Variants in SCRT2 observed in about 807,000 individuals in gnomAD.
SCRT2 encodes the protein transcriptional repressor scratch 2.
In SCRT2, 2 loss-of-function variants were observed where a neutral mutation model predicts 3.7. That is an observed-to-expected ratio of 0.54 (90% CI 0.22 to 1.70). The LOEUF (loss-of-function observed/expected upper bound fraction) is 1.70, where lower values mean the gene tolerates loss of function less well. Among genes scored for constraint, SCRT2 ranks in the 40% most tolerant of loss-of-function variants. The pLI is 0.19. For synonymous variants in SCRT2, 256 were observed against 220.6 expected, an observed-to-expected ratio of 1.16 and a Z score of -1.42; for missense variants, 456 against 468.5, an observed-to-expected ratio of 0.97 and a Z score of 0.25.
At position 666,511 on chromosome 20, in the gene SCRT2, C is replaced by G. The variant is rs771187891; in HGVS notation, c.134-2050G>C. Among the ~76,000 whole-genome samples the G allele has an allele frequency of 2.0e-5, 3 of 152,222 alleles. No homozygotes were observed. Among genetic ancestry groups the G allele is most frequent in the Non-Finnish European group, 4.4e-5 (3 of 68,034 alleles). On this transcript the variant is annotated intron_variant, in intron 1 of 1. Transcript: ENST00000246104. The surrounding 1 kb of genome is among the most constrained non-coding windows in gnomAD (Gnocchi z 4.4). ...TAAGTGCTTCGCTCCCATCATCTCA[C>G]TGAATCATCACAAAACTACTCTCAT...
In SCRT2 at chr20:663,829, G is replaced by A; in HGVS notation, c.766C>T (p.Arg256Cys). The A allele has an allele frequency of 6.3e-7, 1 of 1,597,588 alleles. No individual in the cohort carries two copies. Among genetic ancestry groups the A allele is most frequent in the Non-Finnish European group, 8.5e-7 (1 of 1,174,252 alleles). Residue 256 changes from arginine (R) to cysteine (C), a missense_variant, in exon 2 of 2, where the codon CGC becomes TGC. Arg to Cys is a radical substitution (Grantham distance 180, BLOSUM62 -3). Coordinates refer to ENST00000246104, the MANE Select transcript of SCRT2 (RefSeq NM_033129.4). This position sits in a 1 kb window ranked among gnomAD's most constrained non-coding sequence, Gnocchi z 6.9. ...GCCGAGTGCGTCTGCATGTGCGCGC[G>A]CAGGTTGGAGCGGTCGGCGAAGGCC... is the stretch of plus-strand genomic sequence containing the variant. ...GKAFADRSNL[R>C]AHMQTHSAFK... is the part of the protein sequence containing the mutation.
rs1984121614 is a variant in SCRT2, at chr20:665,290, G to A, written c.134-829C>T. The stretch of plus-strand genomic sequence containing the variant: ...GCCTGGCTCAAAGTAGGTGTGCGAT[G>A]AATAGATGTTGCATGAAGGAATCAC... On this transcript the variant is annotated intron_variant, in intron 1 of 1. Transcript: ENST00000246104. This position sits in a 1 kb window ranked among gnomAD's most constrained non-coding sequence, Gnocchi z 5.0. Among the ~76,000 whole-genome samples the A allele has an allele frequency of 1.3e-5, 2 of 152,240 alleles. No homozygotes were observed. Among genetic ancestry groups the A allele is most frequent in the Admixed American group, 1.3e-4 (2 of 15,286 alleles).
chr20:667,930 T>C lies in SCRT2; in HGVS notation c.134-3469A>G, dbSNP rs978298675. 1.3e-5 allele frequency among the ~76,000 whole-genome samples: 2 copies of C among 152,206 alleles called. No individual in the cohort carries two copies. The highest frequency in any genetic ancestry group is 6.5e-5 in the Admixed American group (1 of 15,288). The stretch of plus-strand genomic sequence containing the variant: ...TGGTCTAAAGACCCTTTCTGCATCA[T>C]GGCTGAATCAGTCCCTCCATGATGC... On this transcript the variant is annotated intron_variant, in intron 1 of 1. Coordinates refer to ENST00000246104, the MANE Select transcript of SCRT2 (RefSeq NM_033129.4). The surrounding 1 kb of genome is among the most constrained non-coding windows in gnomAD (Gnocchi z 4.4).
At position 662,053 on chromosome 20, in the gene SCRT2, A is replaced by G. The variant is rs1380077518; in HGVS notation, c.*1618T>C. 2 of 152,930 alleles carry G rather than the reference A, an allele frequency of 1.3e-5. No homozygotes were observed. The highest frequency in any genetic ancestry group is 1.9e-4 in the East Asian group (1 of 5,172). 9.5% of individuals were successfully genotyped at this position (152,930 alleles called of 1,614,324 possible). On this transcript the variant is annotated 3_prime_UTR_variant, in exon 2 of 2. Transcript: ENST00000246104. ...GCGTGTGCTTAAAGCGGAGGGGGCC[A>G]GGGCCCGTGCGCGTGGAGGTGTGTG...
chr20:664,340 T>C lies in SCRT2; in HGVS notation c.255A>G (p.Glu85=), dbSNP rs778251168. The C allele has an allele frequency of 4.7e-5, 71 of 1,495,278 alleles. No individual in the cohort carries two copies. The highest frequency in any genetic ancestry group is 6.2e-5 in the Non-Finnish European group (69 of 1,113,242). 92.6% of individuals were successfully genotyped at this position (1,495,278 alleles called of 1,614,324 possible). A position where few individuals can be genotyped will look rare whatever the true frequency, so the allele number is the denominator to read the frequency against. Residue 85 remains glutamate (E), a synonymous_variant, in exon 2 of 2, where the codon GAA becomes GAG. Transcript: ENST00000246104. The surrounding 1 kb of genome is among the most constrained non-coding windows in gnomAD (Gnocchi z 7.9). The part of the protein sequence containing the change: ...PAAPEEYSDP[E]SPQSSLSARY... ...GCGCCGACAGGCTCGACTGCGGGCT[T>C]TCGGGGTCGCTGTACTCCTCCGGCG... is the stretch of plus-strand genomic sequence containing the variant.
At chr20:668,206 C>T (rs1291003923) in intron 1 of SCRT2, among the ~76,000 whole-genome samples, 5 of 152,068 alleles carry the variant, frequency 3.3e-5, no homozygotes, top group Non-Finnish European at 5.9e-5. Flanking sequence ...GTGATATATC[C>T]TTCTAATCTG....
rs2122345052 is a variant in SCRT2 at position 665,808 on chromosome 20, C to G, written c.134-1347G>C. Reference sequence around the variant, plus strand: ...CACCTGGGGAGTGGGATTTGACCTTCTCCTGGTGACCCCTGAGACCTGTAA... The same window carrying G: ...CACCTGGGGAGTGGGATTTGACCTTGTCCTGGTGACCCCTGAGACCTGTAA... On this transcript the variant is annotated intron_variant, in intron 1 of 1. Transcript: ENST00000246104. This position sits in a 1 kb window ranked among gnomAD's most constrained non-coding sequence, Gnocchi z 5.0. Among the ~76,000 whole-genome samples, 1 of 152,310 alleles carries G rather than the reference C, an allele frequency of 6.6e-6. No homozygotes were observed. The highest frequency in any genetic ancestry group is 1.5e-5 in the Non-Finnish European group (1 of 68,022).
At chr20:670,721 T>C (rs901087573) in intron 1 of SCRT2, among the ~76,000 whole-genome samples, 1 of 151,396 alleles carries the variant, frequency 6.6e-6, no homozygotes, top group Non-Finnish European at 1.5e-5. Flanking sequence ...TGTACTGACA[T>C]AAGGGACTTG....
In SCRT2 at chr20:665,286, C is replaced by T. The variant is rs1446409840; in HGVS notation, c.134-825G>A. Among the ~76,000 whole-genome samples, 5 of 152,206 alleles carry T rather than the reference C, an allele frequency of 3.3e-5. No homozygotes were observed. The highest frequency in any genetic ancestry group is 4.1e-4 in the South Asian group (2 of 4,832). ...ACATGCCTGGCTCAAAGTAGGTGTGCGATGAATAGATGTTGCATGAAGGAA... is the reference window on the plus strand; with the variant it reads ...ACATGCCTGGCTCAAAGTAGGTGTGTGATGAATAGATGTTGCATGAAGGAA... On this transcript the variant is annotated intron_variant, in intron 1 of 1. Coordinates refer to ENST00000246104, the MANE Select transcript of SCRT2 (RefSeq NM_033129.4). This position sits in a 1 kb window ranked among gnomAD's most constrained non-coding sequence, Gnocchi z 5.0.
chr20:667,619 C>T lies in SCRT2; in HGVS notation c.134-3158G>A, dbSNP rs548037946. Among the ~76,000 whole-genome samples the T allele has an allele frequency of 3.9e-5, 6 of 152,260 alleles. No individual in the cohort carries two copies. The highest frequency in any genetic ancestry group is 4.1e-4 in the South Asian group (2 of 4,826). On this transcript the variant is annotated intron_variant, in intron 1 of 1. Transcript: ENST00000246104. The surrounding 1 kb of genome is among the most constrained non-coding windows in gnomAD (Gnocchi z 4.4). ...GGCGCCCTCTGCTGGTGGCCCTCAGCGCTGTTGACTTTCCTCCTGTTGCAA... is the reference window on the plus strand; with the variant it reads ...GGCGCCCTCTGCTGGTGGCCCTCAGTGCTGTTGACTTTCCTCCTGTTGCAA...
chr20:675,575 C>T lies in SCRT2; in HGVS notation c.27G>A (p.Lys9=). 1 of 1,345,320 alleles carries T rather than the reference C, an allele frequency of 7.4e-7. No homozygotes were observed. The highest frequency in any genetic ancestry group is 9.6e-7 in the Non-Finnish European group (1 of 1,043,198). The allele number at this position is 1,345,320 out of a possible 1,614,324, so 83.3% of individuals were successfully genotyped here. MPRSFLVK[K]IKGDGFQCSG... is the part of the protein sequence containing the mutation. ...TGCACTGGAAGCCGTCCCCTTTGAT[C>T]TTCTTTACCAGGAAGGAGCGCGGCA... Residue 9 remains lysine (K), a synonymous_variant, in exon 1 of 2, where the codon AAG becomes AAA. Transcript: ENST00000246104. This position sits in a 1 kb window ranked among gnomAD's most constrained non-coding sequence, Gnocchi z 6.9.
chr20:667,487 A>G lies in SCRT2; in HGVS notation c.134-3026T>C, dbSNP rs1007398606. ...CTCCTCTCTGGGCCTCTGTTTCCTCACCCGGGATGTGTAATTTCTATTTCA... is the reference window on the plus strand; with the variant it reads ...CTCCTCTCTGGGCCTCTGTTTCCTCGCCCGGGATGTGTAATTTCTATTTCA... On this transcript the variant is annotated intron_variant, in intron 1 of 1. Transcript: ENST00000246104. This position sits in a 1 kb window ranked among gnomAD's most constrained non-coding sequence, Gnocchi z 4.4. Among the ~76,000 whole-genome samples, 2 of 152,022 alleles carry G rather than the reference A, an allele frequency of 1.3e-5. No homozygotes were observed. The highest frequency in any genetic ancestry group is 6.5e-5 in the Admixed American group (1 of 15,268).
In SCRT2 at chr20:664,413, T is replaced by C; in HGVS notation, c.182A>G (p.Lys61Arg). 1 of 1,360,680 alleles carries C rather than the reference T, an allele frequency of 7.3e-7. No individual in the cohort carries two copies. The highest frequency in any genetic ancestry group is 9.6e-7 in the Non-Finnish European group (1 of 1,046,150). The allele number at this position is 1,360,680 out of a possible 1,614,324, so 84.3% of individuals were successfully genotyped here. A position where few individuals can be genotyped will look rare whatever the true frequency, so the allele number is the denominator to read the frequency against. ...GGCCGGGGCCAGCTCCAGGCCCGGC[T>C]TCTGGTCCGCATCGTAGCTGCTCGG... ...LPPSSYDADQ[K>R]PGLELAPAEP... Residue 61 changes from lysine (K) to arginine (R), a missense_variant, in exon 2 of 2, where the codon AAG becomes AGG. Around this residue, in one of 3 missense-constraint regions of SCRT2, gnomAD observed 306 missense variants for 305.3 expected, o/e 1.00. Transcript: ENST00000246104. The surrounding 1 kb of genome is among the most constrained non-coding windows in gnomAD (Gnocchi z 7.9).
chr20:665,470 C>T lies in SCRT2; in HGVS notation c.134-1009G>A, dbSNP rs1235924276. Among the ~76,000 whole-genome samples the T allele has an allele frequency of 6.6e-6, 1 of 152,202 alleles. No individual in the cohort carries two copies. The highest frequency in any genetic ancestry group is 1.5e-5 in the Non-Finnish European group (1 of 68,036). ...AAGTCCGCAGTGAGAATTCCCCTCC[C>T]CCTCCTCCTCCCACTTAGCTGGAGT... On this transcript the variant is annotated intron_variant, in intron 1 of 1. Coordinates refer to ENST00000246104, the MANE Select transcript of SCRT2 (RefSeq NM_033129.4). The surrounding 1 kb of genome is among the most constrained non-coding windows in gnomAD (Gnocchi z 5.0).
At position 663,327 on chromosome 20, in the gene SCRT2, A is replaced by G. The variant is rs1325787673; in HGVS notation, c.*344T>C. ...AGAGAAAAGATCTAGAAGTTAGAAG[A>G]GCAGCGCGGGGTCTGGGAGGGAGAA... On this transcript the variant is annotated 3_prime_UTR_variant, in exon 2 of 2. Coordinates refer to ENST00000246104, the MANE Select transcript of SCRT2 (RefSeq NM_033129.4). The surrounding 1 kb of genome is among the most constrained non-coding windows in gnomAD (Gnocchi z 6.9). 1 of 290,538 alleles carries G rather than the reference A, an allele frequency of 3.4e-6. No homozygotes were observed. The highest frequency in any genetic ancestry group is 5.3e-5 in the Admixed American group (1 of 18,924). 18.0% of individuals were successfully genotyped at this position (290,538 alleles called of 1,614,324 possible). A position where few individuals can be genotyped will look rare whatever the true frequency, so the allele number is the denominator to read the frequency against.
In SCRT2 at chr20:675,555, T is replaced by G; in HGVS notation, c.47A>C (p.Gln16Pro). The G allele has an allele frequency of 7.2e-7, 1 of 1,386,072 alleles. No homozygotes were observed. The highest frequency in any genetic ancestry group is 2.8e-5 in the East Asian group (1 of 35,676). 85.9% of individuals were successfully genotyped at this position (1,386,072 alleles called of 1,614,324 possible). Residue 16 changes from glutamine to proline, a missense_variant, in exon 1 of 2, where the codon CAG (glutamine) becomes CCG (proline). Around this residue, in one of 3 missense-constraint regions of SCRT2, gnomAD observed 306 missense variants for 305.3 expected, o/e 1.00. Coordinates refer to ENST00000246104, the MANE Select transcript of SCRT2 (RefSeq NM_033129.4). The surrounding 1 kb of genome is among the most constrained non-coding windows in gnomAD (Gnocchi z 6.9). Reference sequence around the variant, plus strand: ...GGTGGGGGCCGGCACCCCGCTGCACTGGAAGCCGTCCCCTTTGATCTTCTT... The same window carrying G: ...GGTGGGGGCCGGCACCCCGCTGCACGGGAAGCCGTCCCCTTTGATCTTCTT... Reference protein sequence around the residue: ...LVKKIKGDGFQCSGVPAPTYH... With the variant: ...LVKKIKGDGFPCSGVPAPTYH...
chr20:663,509 T>G lies in SCRT2; in HGVS notation c.*162A>C. 4 of 541,550 alleles carry G rather than the reference T, an allele frequency of 7.4e-6. No homozygotes were observed. Among genetic ancestry groups the G allele is most frequent in the Non-Finnish European group, 1.1e-5 (4 of 355,810 alleles). The allele number at this position is 541,550 out of a possible 1,614,324, so 33.5% of individuals were successfully genotyped here. A position where few individuals can be genotyped will look rare whatever the true frequency, so the allele number is the denominator to read the frequency against. ...GACGGTGTGGAAGTGAGTCGTGGGTTTGGGGGTTGGGGAGAAAAGTTCCGG... is the reference window on the plus strand; with the variant it reads ...GACGGTGTGGAAGTGAGTCGTGGGTGTGGGGGTTGGGGAGAAAAGTTCCGG... On this transcript the variant is annotated 3_prime_UTR_variant, in exon 2 of 2. Transcript: ENST00000246104. The surrounding 1 kb of genome is among the most constrained non-coding windows in gnomAD (Gnocchi z 6.9).
chr20:675,341 A>T lies in SCRT2; in HGVS notation c.133+128T>A. 2.5e-6 allele frequency: 2 copies of T among 806,522 alleles called. No individual in the cohort carries two copies. The highest frequency in any genetic ancestry group is 1.7e-6 in the Non-Finnish European group (1 of 596,274). 50.0% of individuals were successfully genotyped at this position (806,522 alleles called of 1,614,324 possible). A position where few individuals can be genotyped will look rare whatever the true frequency, so the allele number is the denominator to read the frequency against. ...CCCTTGGAAAGCCCGGGAGGAGCCC[A>T]CGGCCAGAGAGATCTCCTCCCGGGG... On this transcript the variant is annotated intron_variant, in intron 1 of 1. Transcript: ENST00000246104. The surrounding 1 kb of genome is among the most constrained non-coding windows in gnomAD (Gnocchi z 6.9).
At position 675,533 on chromosome 20, in the gene SCRT2, G is replaced by A. The variant is rs1336405360; in HGVS notation, c.69C>T (p.Pro23=). Residue 23 remains proline, a synonymous_variant, in exon 1 of 2, where the codon CCC becomes CCT. Transcript: ENST00000246104. The surrounding 1 kb of genome is among the most constrained non-coding windows in gnomAD (Gnocchi z 6.9). ...AGGCTGTCTCCAAGGGGTGGTAGGT[G>A]GGGGCCGGCACCCCGCTGCACTGGA... The part of the protein sequence containing the change: ...DGFQCSGVPA[P]TYHPLETAYV... 7.2e-7 allele frequency: 1 copy of A among 1,394,044 alleles called. No individual in the cohort carries two copies. Among genetic ancestry groups the A allele is most frequent in the Non-Finnish European group, 9.4e-7 (1 of 1,069,308 alleles). The allele number at this position is 1,394,044 out of a possible 1,614,324, so 86.4% of individuals were successfully genotyped here. A position where few individuals can be genotyped will look rare whatever the true frequency, so the allele number is the denominator to read the frequency against.
Sources: gnomAD v4.1 joint callset for allele counts (sites outside exome capture counted in the v4.1 genomes callset) on GRCh38, gnomAD v4.1.1 for gene constraint, gnomAD v4.1.1 regional missense constraint, Gnocchi (gnomAD v3.1) non-coding constraint, MANE v1.5 for transcripts, NCBI Gene and HGNC (gene_info 2026-07-23, HGNC 2026-07-21) for gene names.